The following FMO3 variants were observed in gnomAD, a reference collection of about 807,000 sequenced individuals.
FMO3 encodes the protein flavin containing dimethylaniline monoxygenase 3.
Under a neutral mutation model 39.4 loss-of-function variants are expected in FMO3, and 40 were observed. The observed-to-expected ratio is 1.02, with a 90% CI of 0.79 to 1.32. FMO3 has a LOEUF of 1.32. FMO3 is among the 40% of genes most tolerant of loss of function. The pLI, the probability that FMO3 is intolerant of heterozygous loss-of-function variation, is 0.00. For missense variants in FMO3, 680 were observed against 651.8 expected (o/e 1.04, Z -0.47); for synonymous variants, 219 against 228.8 (o/e 0.96, Z 0.39).
At chr1:171,096,795 T>A (rs1655113384) in intron 2 of FMO3, among the ~76,000 whole-genome samples, 2 of 130,428 alleles carry the variant, frequency 1.5e-5, no homozygotes, top group East Asian at 6.2e-4. Flanking sequence ...AAAATATATA[T>A]ATTTGTAATT....
intron 1 of FMO3, 120 bp from the exon 2 acceptor site, chr1:171,092,533 T>C: frequency 1.7e-6 from 2 of 1,156,474 alleles, no homozygotes; most frequent in Non-Finnish European, 2.5e-6. Context: ...ACTCAGCCAG[T>C]GTTTATTAAA....
At chr1:171,109,123 G>C (rs1214974116) in intron 5 of FMO3, among the ~76,000 whole-genome samples, 2 of 152,176 alleles carry the variant, frequency 1.3e-5, no homozygotes, top group Admixed American at 6.5e-5. Context: ...TTGCTTGTGG[G>C]AAGAAAGTAG....
At chr1:171,096,064 TTATATATTAATATATAA>T (rs1259494763) in intron 2 of FMO3, among the ~76,000 whole-genome samples, 67 of 39,594 alleles carry the variant, frequency 1.7e-3, no homozygotes, top group Middle Eastern at 0.042. Context: ...ATAATATATA[TTATATATTAATATATAA>T]TATATATTAA....
chr1:171,096,147 A>G (rs1462696406), intron 2 of FMO3, among the ~76,000 whole-genome samples: 4 of 69,668 alleles, frequency 5.7e-5, no homozygotes, highest in Non-Finnish European at 1.0e-4. Context: ...TTATATATTG[A>G]TATGAATATA....
At chr1:171,112,747 G>C (rs917784487) in intron 6 of FMO3, among the ~76,000 whole-genome samples, 6 of 152,070 alleles carry the variant, frequency 3.9e-5, no homozygotes, top group Non-Finnish European at 8.8e-5. Flanking sequence ...TTAAAACTCT[G>C]GAGTCATGAG....
chr1:171,095,998 TATATATTAATATAC>T (rs1654969580), intron 2 of FMO3, among the ~76,000 whole-genome samples: 1 of 52,452 alleles, frequency 1.9e-5, no homozygotes, highest in Non-Finnish European at 3.4e-5. Flanking sequence ...TATATATTTT[TATATATTAATATAC>T]ATATTATATA....
intron 2 of FMO3, among the ~76,000 whole-genome samples, chr1:171,094,126 G>A (rs1020466258): frequency 8.6e-5 from 13 of 151,934 alleles, no homozygotes; most frequent in African/African-American, 3.1e-4. Context: ...ACTGCGCCTG[G>A]CCTTTTTGAC....
In FMO3 at chr1:171,117,525, C is replaced by A; in HGVS notation, c.*83C>A. 2 of 1,022,746 alleles carry A rather than the reference C, an allele frequency of 2.0e-6. No individual in the cohort carries two copies. Among genetic ancestry groups the A allele is most frequent in the African/African-American group, 1.6e-5 (1 of 62,234 alleles). 63.4% of individuals were successfully genotyped at this position (1,022,746 alleles called of 1,614,324 possible). A position where few individuals can be genotyped will look rare whatever the true frequency, so the allele number is the denominator to read the frequency against. The stretch of plus-strand genomic sequence containing the variant: ...CTATTTAAAAATTAAAATTTTCACA[C>A]CACCTGCTTTTCTATTCAGCATCTT... On this transcript the variant is annotated 3_prime_UTR_variant, in exon 9 of 9. Coordinates refer to ENST00000367755, the MANE Select transcript of FMO3 (RefSeq NM_001002294.3).
At chr1:171,093,531 G>C (rs1172545850) in intron 2 of FMO3, among the ~76,000 whole-genome samples, 1 of 151,510 alleles carries the variant, frequency 6.6e-6, no homozygotes, top group African/African-American at 2.4e-5. Context: ...ATATGCGTCT[G>C]TGTGTATATA....
At chr1:171,100,543 C>T (rs1655332634) in intron 2 of FMO3, 1 of 152,336 alleles carries the variant, frequency 6.6e-6, no homozygotes, top group East Asian at 1.9e-4. Context: ...TTCACAGGTT[C>T]ACAGATAGAA....
intron 6 of FMO3, 115 bp downstream of exon 6, chr1:171,111,112 A>T: frequency 2.4e-6 from 2 of 818,280 alleles, no homozygotes; most frequent in South Asian, 2.8e-5. Flanking sequence ...CTCATATATC[A>T]GAAGATAAAG....
intron 5 of FMO3, among the ~76,000 whole-genome samples, chr1:171,109,894 T>C (rs1655829425): frequency 1.3e-5 from 2 of 152,240 alleles, no homozygotes; most frequent in South Asian, 2.1e-4. Flanking sequence ...CTTGAAGTGA[T>C]ATGGCATATA....
At chr1:171,091,162 G>T (rs1016631671) in intron 1 of FMO3, among the ~76,000 whole-genome samples, 181 bp downstream of exon 1, 1 of 149,942 alleles carries the variant, frequency 6.7e-6, no homozygotes, top group Admixed American at 6.6e-5. Flanking sequence ...GGAGGCAGAG[G>T]TTGCAGTGAG....
chr1:171,110,827 G>A lies in FMO3; in HGVS notation c.657G>A (p.Trp219Ter), dbSNP rs747533670. ...QVMISSRSGS[W>*]VMSRVWDNGY... ...TGATCAGTTCCAGAAGTGGCTCCTG[G>A]GTGATGAGCCGGGTCTGGGACAATG... Residue 219 changes from tryptophan to a stop codon, truncating the protein, a stop_gained, in exon 6 of 9, where the codon TGG (tryptophan) becomes TGA (stop). Transcript: ENST00000367755. LOFTEE classifies it high-confidence loss of function. 6 of 1,613,920 alleles carry A rather than the reference G, an allele frequency of 3.7e-6. No homozygotes were observed. Among genetic ancestry groups the A allele is most frequent in the Non-Finnish European group, 3.4e-6 (4 of 1,179,908 alleles).
At chr1:171,105,116 T>C (rs1336248401) in intron 3 of FMO3, among the ~76,000 whole-genome samples, 1 of 152,174 alleles carries the variant, frequency 6.6e-6, no homozygotes, top group East Asian at 1.9e-4. Context: ...GCCTGAATTG[T>C]CATTTGATGA....
intron 2 of FMO3, among the ~76,000 whole-genome samples, chr1:171,098,851 G>A (rs1459791652): frequency 6.6e-6 from 1 of 152,120 alleles, no homozygotes; most frequent in East Asian, 1.9e-4. Flanking sequence ...GTGTGAGAGG[G>A]CATCCCTGTC....
chr1:171,095,962 ATATT>A (rs1654964636), intron 2 of FMO3, among the ~76,000 whole-genome samples: 1 of 2,020 alleles, frequency 5.0e-4, no homozygotes, highest in Non-Finnish European at 1.0e-3. Flanking sequence ...TTATAATTAT[ATATT>A]TATAATTATA....
At chr1:171,109,526 C>CTTTTTTTTTGTTTTTTTTTTTTTTTTT (rs1655803927) in intron 5 of FMO3, among the ~76,000 whole-genome samples, 1 of 58,994 alleles carries the variant, frequency 1.7e-5, no homozygotes, top group African/African-American at 7.1e-5. Context: ...TTAGTCTCTT[C>CTTTTTTTTTGTTTTTTTTTTTTTTTTT]TTTTTTTTTT....
chr1:171,103,185 A>G (rs1438902615), intron 2 of FMO3, among the ~76,000 whole-genome samples: 1 of 152,186 alleles, frequency 6.6e-6, no homozygotes, highest in Non-Finnish European at 1.5e-5. Context: ...AGGGAATGAA[A>G]GGATTCTAGT....
Sources: allele counts gnomAD v4.1 joint callset (sites outside exome capture counted in the v4.1 genomes callset), GRCh38; gene constraint gnomAD v4.1.1; transcripts MANE v1.5; gene names NCBI Gene and HGNC (gene_info 2026-07-23, HGNC 2026-07-21).